The following SAMD12 variants were observed in gnomAD, a reference collection of about 807,000 sequenced individuals.
The protein encoded by SAMD12 is sterile alpha motif domain containing 12.
In SAMD12, 9 loss-of-function variants were observed where a neutral mutation model predicts 15.0. The observed-to-expected ratio is 0.60, with a 90% CI of 0.36 to 1.05. SAMD12 has a LOEUF of 1.05. Ranked by LOEUF, SAMD12 falls within the 50% of genes least tolerant of loss-of-function variation. SAMD12 has a pLI of 0.01. For missense variants in SAMD12, 230 were observed against 234.2 expected, an observed-to-expected ratio of 0.98 and a Z score of 0.12; for synonymous variants, 86 against 90.1, an observed-to-expected ratio of 0.96 and a Z score of 0.25.
chr8:118,416,503 CT>C (rs1328162198), intron 3 of SAMD12, among the ~76,000 whole-genome samples: 1 of 152,138 alleles, frequency 6.6e-6, no homozygotes, highest in Non-Finnish European at 1.5e-5. Context: ...ATAACAAAGA[CT>C]AGTTTCATCT....
chr8:118,354,548 A>G (rs1032064555), intron 4 of SAMD12, among the ~76,000 whole-genome samples: 1 of 152,166 alleles, frequency 6.6e-6, no homozygotes, highest in African/African-American at 2.4e-5. Context: ...TACTGATGCT[A>G]TGCTCTTCAG....
chr8:118,597,366 C>A (rs1210523621), intron 1 of SAMD12, among the ~76,000 whole-genome samples: 1 of 152,192 alleles, frequency 6.6e-6, no homozygotes, highest in Non-Finnish European at 1.5e-5. Flanking sequence ...CCCCTCACCC[C>A]CATGGTTGCT....
chr8:118,133,636 T>C, the SAMD12 span, among the ~76,000 whole-genome samples: 2 of 152,212 alleles, frequency 1.3e-5, no homozygotes, highest in Non-Finnish European at 2.9e-5. Context: ...GACAAATACC[T>C]TCCCTGTGTT....
chr8:118,542,394 A>C (rs1826009617), intron 2 of SAMD12, among the ~76,000 whole-genome samples: 1 of 152,252 alleles, frequency 6.6e-6, no homozygotes, highest in African/African-American at 2.4e-5. Context: ...TATAATTTAA[A>C]ATATTCACAA....
chr8:118,618,793 C>G (rs932838341), intron 1 of SAMD12, among the ~76,000 whole-genome samples: 1 of 149,442 alleles, frequency 6.7e-6, no homozygotes, highest in Non-Finnish European at 1.5e-5. Context: ...GAGCCGAGAT[C>G]GCGCCACTGC....
At chr8:118,614,298 C>T (rs78433899) in intron 1 of SAMD12, among the ~76,000 whole-genome samples, 76 of 152,244 alleles carry the variant, frequency 5.0e-4, no homozygotes, top group African/African-American at 1.6e-3. Flanking sequence ...TCTCAACATG[C>T]CTATGAGGTC....
At chr8:118,146,501 T>G in the SAMD12 span, among the ~76,000 whole-genome samples, 1 of 152,234 alleles carries the variant, frequency 6.6e-6, no homozygotes. Context: ...AGACCCCATA[T>G]TCCAATTCTC....
intron 4 of SAMD12, among the ~76,000 whole-genome samples, chr8:118,255,872 T>G (rs1000416433): frequency 6.6e-6 from 1 of 152,134 alleles, no homozygotes; most frequent in African/African-American, 2.4e-5. Context: ...ATATACCCAG[T>G]AATGGGATGG....
At chr8:118,589,643 T>C (rs1057129953) in intron 1 of SAMD12, among the ~76,000 whole-genome samples, 20 of 152,208 alleles carry the variant, frequency 1.3e-4, no homozygotes, top group African/African-American at 4.8e-4. Context: ...AGAAGTTCTA[T>C]GATGCTTTAG....
chr8:118,541,419 T>G (rs1402982966), intron 2 of SAMD12, among the ~76,000 whole-genome samples: 1 of 152,202 alleles, frequency 6.6e-6, no homozygotes, highest in African/African-American at 2.4e-5. Context: ...ATCAGTGTTT[T>G]TAAGCTAAGA....
chr8:118,483,843 C>G (rs956857748), intron 2 of SAMD12, among the ~76,000 whole-genome samples: 1 of 152,116 alleles, frequency 6.6e-6, no homozygotes, highest in Non-Finnish European at 1.5e-5. Context: ...ACAAGAAAAC[C>G]AAGGTTCAGA....
At chr8:118,258,879 G>C (rs1359130599) in intron 4 of SAMD12, among the ~76,000 whole-genome samples, 1 of 152,056 alleles carries the variant, frequency 6.6e-6, no homozygotes, top group Non-Finnish European at 1.5e-5. Flanking sequence ...GAAATGAGAA[G>C]GCCTCTGCTT....
intron 4 of SAMD12, among the ~76,000 whole-genome samples, chr8:118,339,585 G>C (rs1343762863): frequency 6.6e-6 from 1 of 152,190 alleles, no homozygotes; most frequent in Non-Finnish European, 1.5e-5. Flanking sequence ...CTGATCACGT[G>C]GCCTCGCTGC....
intron 4 of SAMD12, among the ~76,000 whole-genome samples, chr8:118,209,915 TACCTTTCAGCCCAACCTCCTGGGATC>T (rs1819971596): frequency 1.3e-5 from 2 of 152,152 alleles, no homozygotes; most frequent in South Asian, 4.1e-4. Flanking sequence ...AAGACCCCCC[TACCTTTCAGCCCAACCTCCTGGGATC>T]ACCTCTCAGC....
chr8:118,308,743 T>C (rs544955463), intron 4 of SAMD12, among the ~76,000 whole-genome samples: 14 of 152,214 alleles, frequency 9.2e-5, no homozygotes, highest in Middle Eastern at 3.4e-3. Context: ...CCATCACAAC[T>C]TAGTTCAGAC....
chr8:118,316,904 C>T (rs559716999), intron 4 of SAMD12, among the ~76,000 whole-genome samples: 8 of 150,006 alleles, frequency 5.3e-5, no homozygotes, highest in African/African-American at 2.0e-4. Flanking sequence ...ATCCTCCTGC[C>T]TTGGCCTCCC....
intron 2 of SAMD12, among the ~76,000 whole-genome samples, chr8:118,464,369 A>C (rs1823523610): frequency 6.6e-6 from 1 of 152,190 alleles, no homozygotes; most frequent in Non-Finnish European, 1.5e-5. Flanking sequence ...CGACAGTTGG[A>C]CCAGAACCAC....
chr8:118,580,638 C>T, intron 2 of SAMD12, 77 bp downstream of exon 2: 5 of 1,005,486 alleles, frequency 5.0e-6, no homozygotes, highest in Admixed American at 4.1e-5. Flanking sequence ...GCACTATCAG[C>T]TCTTCTCTGT....
intron 2 of SAMD12, among the ~76,000 whole-genome samples, chr8:118,552,109 C>G (rs962179507): frequency 4.6e-5 from 7 of 152,128 alleles, no homozygotes; most frequent in South Asian, 2.1e-4. Context: ...CGAGGAGGAA[C>G]TGGTACCATT....
Sources: allele counts gnomAD v4.1 joint callset (sites outside exome capture counted in the v4.1 genomes callset), GRCh38; gene constraint gnomAD v4.1.1; transcripts MANE v1.5; gene names NCBI Gene and HGNC (gene_info 2026-07-23, HGNC 2026-07-21).